Variants in AFF1 observed in about 807,000 individuals in gnomAD.
The protein encoded by AFF1 is AF4/FMR2 family member 1.
A neutral mutation model predicts 121.7 loss-of-function variants in AFF1; 48 were observed. That is an observed-to-expected ratio of 0.39 (90% CI 0.31 to 0.50). The LOEUF (loss-of-function observed/expected upper bound fraction) is 0.50. Among genes scored for constraint, AFF1 ranks in the 20% least tolerant of loss-of-function variants. The pLI is 0.76. For synonymous variants in AFF1, 613 were observed against 563.0 expected, an observed-to-expected ratio of 1.09 and a Z score of -1.26; for missense variants, 1,523 against 1,511.7, an observed-to-expected ratio of 1.01 and a Z score of -0.12.
At chr4:86,943,822 C>A (rs950680848) in intron 1 of AFF1, among the ~76,000 whole-genome samples, 4 of 151,782 alleles carry the variant, frequency 2.6e-5, no homozygotes, top group African/African-American at 7.3e-5. Flanking sequence ...ATTAGCCAGG[C>A]GTGGTGGTGC....
At chr4:87,070,292 G>T (rs1172121796) in intron 4 of AFF1, among the ~76,000 whole-genome samples, 7 of 151,528 alleles carry the variant, frequency 4.6e-5, no homozygotes, top group African/African-American at 1.7e-4. Flanking sequence ...GTGAGCCACT[G>T]CACCCAGACC....
chr4:87,018,071 A>G (rs1727535195), intron 2 of AFF1, among the ~76,000 whole-genome samples: 1 of 152,250 alleles, frequency 6.6e-6, no homozygotes, highest in Non-Finnish European at 1.5e-5. Context: ...GCTGCTCTGC[A>G]TATTAATTTA....
At chr4:87,097,013 G>C (rs1430577816) in intron 8 of AFF1, among the ~76,000 whole-genome samples, 4 of 152,204 alleles carry the variant, frequency 2.6e-5, no homozygotes, top group Admixed American at 2.0e-4. Flanking sequence ...TTGATGGCTG[G>C]TAAGGAGTAG....
At chr4:87,020,942 T>C in intron 2 of AFF1, 1 of 719,020 alleles carries the variant, frequency 1.4e-6, no homozygotes, top group Non-Finnish European at 1.7e-6. Flanking sequence ...ATATTCTGCA[T>C]GCGGATTTTA....
Position 86,935,252 on chromosome 4 carries a change from C to CCTGCGCCACCCAGGGCTGGGGGTCGAT in AFF1, c.-37+14_-37+40dup, listed in dbSNP as rs1291255901. 1 of 152,358 alleles carries CCTGCGCCACCCAGGGCTGGGGGTCGAT rather than the reference C, an allele frequency of 6.6e-6. No homozygotes were observed. Among genetic ancestry groups the CCTGCGCCACCCAGGGCTGGGGGTCGAT allele is most frequent in the Non-Finnish European group, 1.5e-5 (1 of 68,172 alleles). 9.4% of individuals were successfully genotyped at this position (152,358 alleles called of 1,614,324 possible). ...GAAGGGTCTGGAAGGTGAGCGCAGCCCTGCGCCACCCAGGGCTGGGGGTCG... is the reference window on the plus strand; with the variant it reads ...GAAGGGTCTGGAAGGTGAGCGCAGCCCTGCGCCACCCAGGGCTGGGGGTCGATCTGCGCCACCCAGGGCTGGGGGTCG... On this transcript the variant is annotated intron_variant, in intron 1 of 20. Coordinates refer to ENST00000395146, the MANE Select transcript of AFF1 (RefSeq NM_001166693.3).
At chr4:87,128,181 T>C (rs1429883500) in intron 16 of AFF1, among the ~76,000 whole-genome samples, 2 of 152,246 alleles carry the variant, frequency 1.3e-5, no homozygotes, top group Non-Finnish European at 2.9e-5. Flanking sequence ...TCCAAAATTA[T>C]CTTAAAGCCT....
intron 1 of AFF1, among the ~76,000 whole-genome samples, chr4:86,941,348 A>C (rs1720437505): frequency 6.6e-6 from 1 of 151,846 alleles, no homozygotes; most frequent in African/African-American, 2.4e-5. Context: ...TCGTCTCCAC[A>C]AAAGTTTTTT....
At chr4:86,995,523 G>A (rs2149511838) in intron 2 of AFF1, among the ~76,000 whole-genome samples, 1 of 152,002 alleles carries the variant, frequency 6.6e-6, no homozygotes, top group East Asian at 2.0e-4. Context: ...TGTGTTGGCC[G>A]GGCTGGTCTC....
chr4:87,064,010 G>A (rs1366642215), intron 4 of AFF1, among the ~76,000 whole-genome samples: 1 of 152,186 alleles, frequency 6.6e-6, no homozygotes, highest in African/African-American at 2.4e-5. Context: ...GTTTTTAAAT[G>A]TTACACTTTT....
chr4:87,068,829 G>A (rs1052051097), intron 4 of AFF1, among the ~76,000 whole-genome samples: 1 of 152,164 alleles, frequency 6.6e-6, no homozygotes, highest in African/African-American at 2.4e-5. Context: ...GCCAGCACAC[G>A]AGACAGTGAC....
intron 2 of AFF1, among the ~76,000 whole-genome samples, chr4:87,034,587 C>CGT (rs1360664578): frequency 6.6e-6 from 1 of 152,168 alleles, no homozygotes; most frequent in African/African-American, 2.4e-5. Context: ...GTTACCCAAA[C>CGT]GTAGTACCTT....
chr4:87,115,423 G>A (rs889809167), intron 12 of AFF1, 124 bp downstream of exon 12: 19 of 1,038,702 alleles, frequency 1.8e-5, no homozygotes, highest in African/African-American at 1.8e-4. Flanking sequence ...GCTTTGATTC[G>A]CTGTAGCCTT....
At chr4:87,021,957 C>T (rs1007614011) in intron 2 of AFF1, among the ~76,000 whole-genome samples, 11 of 152,164 alleles carry the variant, frequency 7.2e-5, no homozygotes, top group African/African-American at 2.4e-4. Context: ...AATCTCAGCA[C>T]TTTGGGAGGC....
chr4:86,972,757 C>T (rs746410271), intron 2 of AFF1, among the ~76,000 whole-genome samples: 6 of 152,122 alleles, frequency 3.9e-5, no homozygotes, highest in Non-Finnish European at 8.8e-5. Flanking sequence ...CCAGGCTGGT[C>T]TCAAACTCCT....
At chr4:87,068,008 C>T (rs1415868255) in intron 4 of AFF1, among the ~76,000 whole-genome samples, 1 of 152,054 alleles carries the variant, frequency 6.6e-6, no homozygotes, top group African/African-American at 2.4e-5. Context: ...TGTAAAATTA[C>T]ATGTTATGAG....
chr4:87,031,972 A>G (rs1729128308), intron 2 of AFF1, among the ~76,000 whole-genome samples: 1 of 152,238 alleles, frequency 6.6e-6, no homozygotes, highest in Admixed American at 6.5e-5. Flanking sequence ...TGTTTTATGC[A>G]AGTGAACTGC....
At chr4:86,978,176 A>ATTT (rs1723449569) in intron 2 of AFF1, among the ~76,000 whole-genome samples, 1 of 22,654 alleles carries the variant, frequency 4.4e-5, no homozygotes, top group African/African-American at 1.0e-4. Context: ...CATTACATTC[A>ATTT]CTTTTTTTTT....
At chr4:87,069,367 C>G (rs1721733275) in intron 4 of AFF1, among the ~76,000 whole-genome samples, 1 of 136,776 alleles carries the variant, frequency 7.3e-6, no homozygotes, top group Admixed American at 8.1e-5. Context: ...TTCATTCTCT[C>G]CCTCCCTCTC....
At chr4:87,041,710 G>C (rs1006207767) in intron 2 of AFF1, among the ~76,000 whole-genome samples, 1 of 151,958 alleles carries the variant, frequency 6.6e-6, no homozygotes, top group Non-Finnish European at 1.5e-5. Flanking sequence ...TTAACTTATA[G>C]TTATTGAAAG....
Sources: gnomAD v4.1 joint callset for allele counts (sites outside exome capture counted in the v4.1 genomes callset) on GRCh38, gnomAD v4.1.1 for gene constraint, MANE v1.5 for transcripts, NCBI Gene and HGNC (gene_info 2026-07-23, HGNC 2026-07-21) for gene names.